The following PTPN13 variants were observed in gnomAD, a reference collection of about 807,000 sequenced individuals.
PTPN13 encodes the protein protein tyrosine phosphatase non-receptor type 13.
A neutral mutation model predicts 284.0 loss-of-function variants in PTPN13; 191 were observed. The observed-to-expected ratio is 0.67, with a 90% CI of 0.60 to 0.76. The LOEUF (loss-of-function observed/expected upper bound fraction) is 0.76, where lower values mean the gene tolerates loss of function less well. Ranked by LOEUF, PTPN13 falls within the 30% of genes least tolerant of loss-of-function variation. The pLI is 0.00. For synonymous variants in PTPN13, 986 were observed against 1,022.3 expected, an observed-to-expected ratio of 0.96 and a Z score of 0.68; for missense variants, 2,797 against 2,939.9, an observed-to-expected ratio of 0.95 and a Z score of 1.12.
At position 86,772,771 on chromosome 4, in the gene PTPN13, T is replaced by C; in HGVS notation, c.5169-7T>C. On this transcript the variant is annotated splice_polypyrimidine_tract_variant and splice_region_variant and intron_variant, in intron 31 of 47. Transcript: ENST00000411767. ...TTAAAAATAGTCTTACTTCTTTGTC[T>C]CTGTAGTAATCCTTCCCCTCTACCA... is the stretch of plus-strand genomic sequence containing the variant. 1 of 1,588,380 alleles carries C rather than the reference T, an allele frequency of 6.3e-7. No homozygotes were observed. The highest frequency in any genetic ancestry group is 8.5e-7 in the Non-Finnish European group (1 of 1,171,028).
chr4:86,791,052 G>A (rs28642321), intron 40 of PTPN13, among the ~76,000 whole-genome samples: 1,994 of 152,212 alleles, frequency 0.013, 55 homozygotes, highest in African/African-American at 0.046. Context: ...CGCCTCACAC[G>A]GGAAGCACAA....
chr4:86,680,548 C>A (rs1309633507), intron 3 of PTPN13, among the ~76,000 whole-genome samples: 1 of 152,142 alleles, frequency 6.6e-6, no homozygotes, highest in Non-Finnish European at 1.5e-5. Flanking sequence ...GTTCTCATTT[C>A]TCTTCTCTCG....
intron 7 of PTPN13, among the ~76,000 whole-genome samples, chr4:86,714,492 G>A (rs1013478135): frequency 6.6e-6 from 1 of 151,778 alleles, no homozygotes; most frequent in Admixed American, 6.6e-5. Context: ...CCACTCAACG[G>A]GCTTATTATC....
rs368674067 is a variant in PTPN13 at position 86,658,117 on chromosome 4, TG to T, written c.116-14245del. On this transcript the variant is annotated intron_variant, in intron 2 of 47. Transcript: ENST00000411767. Reference sequence around the variant, plus strand: ...TGGGGAAGCCCCACTGGCCTGAAACTGGGTTCTTCTCGCTGGAGTTGGGGAT... The same window carrying T: ...TGGGGAAGCCCCACTGGCCTGAAACTGGTTCTTCTCGCTGGAGTTGGGGAT... Among the ~76,000 whole-genome samples, 149 of 152,360 alleles carry T rather than the reference TG, an allele frequency of 9.8e-4. 5 individuals are homozygous for T. The East Asian group carries it at 0.013, about 13-fold the overall frequency.
Position 86,750,731 on chromosome 4 carries a change from A to G in PTPN13, c.2912A>G (p.His971Arg), listed in dbSNP as rs1450383887. ...CCTAGAGAGATGAGTAAATCATACC[A>G]TGATCTCAGTCAGGCCTCTCTCTAT... ...EKPREMSKSYHDLSQASLYPH... is the reference protein window; with the variant it reads ...EKPREMSKSYRDLSQASLYPH... The change falls in exon 18 of 48, where the codon CAT becomes CGT. Residue 971 changes from histidine to arginine, a missense_variant. Transcript: ENST00000411767. The G allele has an allele frequency of 1.2e-6, 2 of 1,613,632 alleles. No homozygotes were observed. The highest frequency in any genetic ancestry group is 1.7e-6 in the Non-Finnish European group (2 of 1,179,780).
chr4:86,694,787 C>G (rs1730428767), intron 6 of PTPN13, among the ~76,000 whole-genome samples: 1 of 151,934 alleles, frequency 6.6e-6, no homozygotes, highest in Non-Finnish European at 1.5e-5. Context: ...AACAGAAATA[C>G]TTTTTTAGAT....
chr4:86,662,159 C>T (rs998489020), intron 2 of PTPN13, among the ~76,000 whole-genome samples: 7 of 152,116 alleles, frequency 4.6e-5, no homozygotes, highest in African/African-American at 1.7e-4. Flanking sequence ...AACAGAAATG[C>T]TAGCATTTTA....
In PTPN13 at chr4:86,701,398, A is replaced by G; in HGVS notation, c.792A>G (p.Gly264=). The change falls in exon 7 of 48, where the codon GGA becomes GGG. Residue 264 remains glycine (G), a synonymous_variant. Coordinates refer to ENST00000411767, the MANE Select transcript of PTPN13 (RefSeq NM_080683.3). The part of the protein sequence containing the change: ...YFKDILSDNS[G]REDSENTFSP... ...AGGACATTTTATCAGATAATTCTGG[A>G]CGTGAAGATTCTGAAAATACATTCT... The G allele has an allele frequency of 6.2e-7, 1 of 1,613,676 alleles. No homozygotes were observed. Among genetic ancestry groups the G allele is most frequent in the Non-Finnish European group, 8.5e-7 (1 of 1,179,704 alleles).
chr4:86,695,448 A>G (rs187865164), intron 6 of PTPN13, among the ~76,000 whole-genome samples: 93 of 152,128 alleles, frequency 6.1e-4, no homozygotes, highest in Middle Eastern at 3.4e-3. Context: ...TTTAGCACTA[A>G]TAATAGCAGC....
intron 2 of PTPN13, among the ~76,000 whole-genome samples, chr4:86,654,495 G>A (rs1355844542): frequency 9.2e-5 from 14 of 152,100 alleles, no homozygotes; most frequent in African/African-American, 3.4e-4. Flanking sequence ...CCTTCATTTC[G>A]TTATGTACCC....
At chr4:86,758,467 C>A in intron 21 of PTPN13, 118 bp downstream of exon 21, 2 of 963,572 alleles carry the variant, frequency 2.1e-6, no homozygotes, top group Non-Finnish European at 3.1e-6. Context: ...TACTGACTGG[C>A]TGCCCACCTA....
At chr4:86,697,747 T>C (rs1174850542) in intron 6 of PTPN13, among the ~76,000 whole-genome samples, 1 of 152,176 alleles carries the variant, frequency 6.6e-6, no homozygotes, top group Non-Finnish European at 1.5e-5. Flanking sequence ...CCTCTTTTAA[T>C]ATTGAAATGC....
intron 20 of PTPN13, among the ~76,000 whole-genome samples, chr4:86,757,548 T>C (rs1195184697): frequency 6.6e-6 from 1 of 152,022 alleles, no homozygotes; most frequent in Non-Finnish European, 1.5e-5. Flanking sequence ...GATAGGAGGA[T>C]CACTTGAGGC....
At chr4:86,607,153 T>C (rs1023862290) in intron 1 of PTPN13, among the ~76,000 whole-genome samples, 2 of 151,888 alleles carry the variant, frequency 1.3e-5, no homozygotes, top group Non-Finnish European at 3.0e-5. Flanking sequence ...GTTAATCTTT[T>C]TTTTAAAAAA....
At chr4:86,763,925 A>G (rs570238690) in intron 24 of PTPN13, among the ~76,000 whole-genome samples, 2 of 152,222 alleles carry the variant, frequency 1.3e-5, no homozygotes, top group East Asian at 3.9e-4. Flanking sequence ...GAAGAAAGAG[A>G]GTAGCTTATT....
In PTPN13 at chr4:86,766,511, A is replaced by G. The variant is rs1473930490; in HGVS notation, c.4323A>G (p.Thr1441=). The change falls in exon 27 of 48, where the codon ACA becomes ACG. Residue 1441 remains threonine, a synonymous_variant. Transcript: ENST00000411767. ...AAGCTGTGGAAACACTGAGAAATAC[A>G]GGACAGGTAACAGATCATTATACCA... ...HKQAVETLRN[T]GQVVHLLLEK... 1.2e-6 allele frequency: 2 copies of G among 1,601,760 alleles called. No individual in the cohort carries two copies. The highest frequency in any genetic ancestry group is 8.5e-7 in the Non-Finnish European group (1 of 1,174,632).
At chr4:86,606,182 A>C (rs1429180822) in intron 1 of PTPN13, among the ~76,000 whole-genome samples, 4 of 151,942 alleles carry the variant, frequency 2.6e-5, no homozygotes, top group Non-Finnish European at 4.4e-5. Flanking sequence ...AAGCGCCAAC[A>C]AAGGATCTTG....
intron 39 of PTPN13, 136 bp downstream of exon 39, chr4:86,785,504 A>G: frequency 1.2e-6 from 1 of 812,654 alleles, no homozygotes. Context: ...GAAACAAAAC[A>G]GAATTTGTTA....
intron 32 of PTPN13, among the ~76,000 whole-genome samples, chr4:86,773,922 A>G (rs1740296592): frequency 6.6e-6 from 1 of 152,072 alleles, no homozygotes; most frequent in Non-Finnish European, 1.5e-5. Flanking sequence ...AAGACTTCAT[A>G]TTTTTACCAA....
Sources: gnomAD v4.1 joint callset for allele counts (sites outside exome capture counted in the v4.1 genomes callset) on GRCh38, gnomAD v4.1.1 for gene constraint, MANE v1.5 for transcripts, NCBI Gene and HGNC (gene_info 2026-07-23, HGNC 2026-07-21) for gene names.